Variants in GFPT2 observed in about 807,000 individuals in gnomAD.
GFPT2 encodes the protein glutamine--fructose-6-phosphate transaminase 2.
In GFPT2, 62 loss-of-function variants were observed where a neutral mutation model predicts 85.6. The observed-to-expected ratio is 0.72, with a 90% CI of 0.59 to 0.90. GFPT2 has a LOEUF of 0.90. GFPT2 is among the 40% of genes least tolerant of loss of function. GFPT2 has a pLI of 0.00. For missense variants in GFPT2, 788 were observed against 893.4 expected (o/e 0.88, Z 1.50); for synonymous variants, 368 against 344.5 (o/e 1.07, Z -0.75).
chr5:180,319,337 G>A (rs574448496), intron 9 of GFPT2, among the ~76,000 whole-genome samples: 15 of 152,072 alleles, frequency 9.9e-5, no homozygotes, highest in South Asian at 2.1e-4. Flanking sequence ...TTTTATAACC[G>A]GTTTCTTCAA....
At chr5:180,324,354 G>T in intron 8 of GFPT2, 49 bp from the exon 9 acceptor site, 1 of 1,058,814 alleles carries the variant, frequency 9.4e-7, no homozygotes, top group Non-Finnish European at 1.4e-6. Flanking sequence ...TGTTTTGTTT[G>T]CATAATATGC....
Position 180,313,628 on chromosome 5 carries a change from A to AT in GFPT2, c.1431+178_1431+179insA, listed in dbSNP as rs1763942434. 4.0e-5 allele frequency among the ~76,000 whole-genome samples: 6 copies of AT among 151,860 alleles called. No homozygotes were observed. In the South Asian group the frequency reaches 1.3e-3, roughly 32 times the overall value. On this transcript the variant is annotated intron_variant, in intron 14 of 18. Transcript: ENST00000253778. ...AAATAAAATAAAAATAAAAATAAAA[A>AT]AAATGAAGATACGGGAATCCAAGAG...
At position 180,336,584 on chromosome 5, in the gene GFPT2, T is replaced by C. The variant is rs771292714; in HGVS notation, c.116-7A>G. On this transcript the variant is annotated splice_polypyrimidine_tract_variant and splice_region_variant and intron_variant, in intron 2 of 18. Transcript: ENST00000253778. ...TTCCCATCGATCGCCACACCTGTGA[T>C]GTAGACAGCATTTGTTATATTGCAA... The C allele has an allele frequency of 1.3e-5, 20 of 1,566,238 alleles. No individual in the cohort carries two copies. Among genetic ancestry groups the C allele is most frequent in the Non-Finnish European group, 1.8e-5 (20 of 1,136,334 alleles).
At chr5:180,317,949 C>T (rs985321169) in intron 10 of GFPT2, among the ~76,000 whole-genome samples, 3 of 151,968 alleles carry the variant, frequency 2.0e-5, no homozygotes, top group African/African-American at 7.3e-5. Flanking sequence ...ACACCAACAT[C>T]GCCCATGCTC....
intron 12 of GFPT2, 44 bp from the exon 13 acceptor site, chr5:180,316,505 C>CACG (rs1232949350): frequency 1.9e-6 from 3 of 1,611,494 alleles, no homozygotes. Context: ...CAGTCACAGG[C>CACG]ACGACAGGGA....
At position 180,351,317 on chromosome 5, in the gene GFPT2, G is replaced by A. The variant is rs886774838; in HGVS notation, c.7+1894C>T. Among the ~76,000 whole-genome samples the A allele has an allele frequency of 2.4e-4, 37 of 152,180 alleles. 1 individual carries two copies. The highest frequency in any genetic ancestry group is 8.0e-4 in the African/African-American group (33 of 41,438). On this transcript the variant is annotated intron_variant, in intron 1 of 18. Coordinates refer to ENST00000253778, the MANE Select transcript of GFPT2 (RefSeq NM_005110.4). ...AGTGTCAGAGAGATGTTAAGGACAC[G>A]TTAGCACCAAGTTGAAACTTTCTCC...
intron 17 of GFPT2, 75 bp downstream of exon 17, chr5:180,304,697 G>A: frequency 1.5e-6 from 2 of 1,318,430 alleles, no homozygotes; most frequent in Non-Finnish European, 2.2e-6. Flanking sequence ...CACTGGTACT[G>A]GCAGACAGTG....
intron 1 of GFPT2, among the ~76,000 whole-genome samples, chr5:180,351,466 G>A (rs1378140479): frequency 6.6e-6 from 1 of 151,688 alleles, no homozygotes; most frequent in Non-Finnish European, 1.5e-5. Context: ...GGAATTCTGA[G>A]AAGGCACCTA....
At chr5:180,327,828 T>C (rs1421018601) in intron 7 of GFPT2, among the ~76,000 whole-genome samples, 1 of 152,148 alleles carries the variant, frequency 6.6e-6, no homozygotes, top group Non-Finnish European at 1.5e-5. Context: ...TTTGTGAAGG[T>C]GAAGCTTGAG....
intron 15 of GFPT2, among the ~76,000 whole-genome samples, chr5:180,310,832 C>CAAAAAAAAA (rs3080055): frequency 4.0e-5 from 2 of 50,582 alleles, no homozygotes; most frequent in African/African-American, 8.5e-5. Flanking sequence ...TGGACACAGG[C>CAAAAAAAAA]AAAAAAAAAA....
rs1383662819 is a variant in GFPT2, at chr5:180,331,562, AAAGTT to A, written c.341-14_341-10del. 1.1e-5 allele frequency: 17 copies of A among 1,527,964 alleles called. No individual in the cohort carries two copies. Among genetic ancestry groups the A allele is most frequent in the African/African-American group, 5.5e-5 (4 of 73,324 alleles). The allele number at this position is 1,527,964 out of a possible 1,614,324, so 94.7% of individuals were successfully genotyped here. A position where few individuals can be genotyped will look rare whatever the true frequency, so the allele number is the denominator to read the frequency against. On this transcript the variant is annotated splice_polypyrimidine_tract_variant and intron_variant, in intron 4 of 18. Transcript: ENST00000253778. ...GTGGATGACAACAAATTCTGAAAGA[AAAGTT>A]AAGAGAGAAATGCTATTGAGAAGGA...
chr5:180,325,146 C>T (rs550039146), intron 7 of GFPT2, among the ~76,000 whole-genome samples: 5 of 152,280 alleles, frequency 3.3e-5, no homozygotes, highest in South Asian at 2.1e-4. Flanking sequence ...CCTCCTAGGC[C>T]GGGCCTCCTC....
intron 4 of GFPT2, among the ~76,000 whole-genome samples, chr5:180,334,713 T>A (rs1764364747): frequency 6.6e-6 from 1 of 152,162 alleles, no homozygotes; most frequent in African/African-American, 2.4e-5. Context: ...GGTTGGGGGC[T>A]TCAGGGGCTC....
chr5:180,350,432 C>T (rs889167347), intron 1 of GFPT2, among the ~76,000 whole-genome samples: 4 of 152,216 alleles, frequency 2.6e-5, no homozygotes, highest in African/African-American at 7.2e-5. Flanking sequence ...GGCTGTAGCC[C>T]GTGCTCAAGG....
intron 1 of GFPT2, among the ~76,000 whole-genome samples, chr5:180,346,010 A>C (rs1764600991): frequency 6.6e-6 from 1 of 151,680 alleles, no homozygotes; most frequent in African/African-American, 2.4e-5. Flanking sequence ...TGAGGATCCC[A>C]GGACTGGCAT....
chr5:180,353,238 CT>C lies in GFPT2; in HGVS notation c.-22del. ...CACATCGTGGCTGCTTCTCGGGCTC[CT>C]TCGCGGCTCGAGGGGGTCTGCCCGT... is the stretch of plus-strand genomic sequence containing the variant. On this transcript the variant is annotated 5_prime_UTR_variant, in exon 1 of 19. Transcript: ENST00000253778. 1 of 1,241,620 alleles carries C rather than the reference CT, an allele frequency of 8.1e-7. No homozygotes were observed. The allele number at this position is 1,241,620 out of a possible 1,614,324, so 76.9% of individuals were successfully genotyped here. A position where few individuals can be genotyped will look rare whatever the true frequency, so the allele number is the denominator to read the frequency against.
intron 1 of GFPT2, among the ~76,000 whole-genome samples, chr5:180,341,278 T>C (rs1436874112): frequency 6.6e-6 from 1 of 152,196 alleles, no homozygotes; most frequent in African/African-American, 2.4e-5. Flanking sequence ...GATTGAAATT[T>C]TTCCAGAGGT....
At chr5:180,306,690 G>A (rs909531515) in intron 16 of GFPT2, among the ~76,000 whole-genome samples, 3 of 152,172 alleles carry the variant, frequency 2.0e-5, no homozygotes, top group Non-Finnish European at 4.4e-5. Context: ...AGGAAACTCT[G>A]CGGAGAACCC....
rs1402052242 is a variant in GFPT2 at position 180,302,575 on chromosome 5, T to C, written c.1852A>G (p.Ile618Val). The change falls in exon 18 of 19, where the codon ATT becomes GTT. Residue 618 changes from isoleucine (I) to valine (V), a missense_variant. Ile to Val is a conservative substitution (Grantham distance 29). Transcript: ENST00000253778. ...QQVTARQGRP[I>V]ILCSKDDTES... Reference sequence around the variant, plus strand: ...GTATCGTCCTTGGAGCACAGTATAATGGGGCGACCCTAGAGCAGAGAAATA... The same window carrying C: ...GTATCGTCCTTGGAGCACAGTATAACGGGGCGACCCTAGAGCAGAGAAATA... 6 of 1,613,278 alleles carry C rather than the reference T, an allele frequency of 3.7e-6. No individual in the cohort carries two copies. In the East Asian group the frequency reaches 1.3e-4, roughly 36 times the overall value.
Sources: allele counts gnomAD v4.1 joint callset (sites outside exome capture counted in the v4.1 genomes callset), GRCh38; gene constraint gnomAD v4.1.1; transcripts MANE v1.5; gene names NCBI Gene and HGNC (gene_info 2026-07-23, HGNC 2026-07-21).